LIX1L: variants seen among roughly 807,000 people sequenced by gnomAD.
LIX1L encodes the protein limb and CNS expressed 1 like, also known as LIX1-like protein.
Under a neutral mutation model 34.0 loss-of-function variants are expected in LIX1L, and 20 were observed. The ratio of observed to expected loss-of-function variants is 0.59; its 90% CI spans 0.41 to 0.85. The LOEUF is 0.85. LIX1L is among the 40% of genes least tolerant of loss of function. The probability of loss-of-function intolerance (pLI) is 0.00; values close to 1 mark genes in which losing one functional copy is unlikely to be tolerated. For synonymous variants in LIX1L, 170 were observed against 187.4 expected (o/e 0.91, Z 0.76); for missense variants, 397 against 447.0 (o/e 0.89, Z 1.01).
chr1:145,955,281 C>T (rs1366906850), intron 1 of LIX1L, among the ~76,000 whole-genome samples: 1 of 152,050 alleles, frequency 6.6e-6, no homozygotes, highest in Non-Finnish European at 1.5e-5. Context: ...GTGAGGGAGG[C>T]AGATAAAGGA....
chr1:145,936,702 G>T, intron 5 of LIX1L, 150 bp from the exon 6 acceptor site: 1 of 917,482 alleles, frequency 1.1e-6, no homozygotes, highest in Non-Finnish European at 1.7e-6. Flanking sequence ...GGCACTTCCT[G>T]CTACGGGAAG....
Position 145,934,886 on chromosome 1 carries a change from G to A in LIX1L, c.*1424C>T. On this transcript the variant is annotated 3_prime_UTR_variant, in exon 6 of 6. Coordinates refer to ENST00000604000, the MANE Select transcript of LIX1L (RefSeq NM_153713.3). ...AAAACCAAAAAAAAACCACAAATAG[G>A]CCAGGCTCAGTGCCTCACGCCTGTA... is the stretch of plus-strand genomic sequence containing the variant. 6.6e-6 allele frequency: 1 copy of A among 152,120 alleles called. No individual in the cohort carries two copies. Among genetic ancestry groups the A allele is most frequent in the Non-Finnish European group, 1.5e-5 (1 of 68,378 alleles). The allele number at this position is 152,120 out of a possible 1,614,324, so 9.4% of individuals were successfully genotyped here.
At chr1:145,954,584 A>G (rs753306403) in intron 1 of LIX1L, among the ~76,000 whole-genome samples, 1 of 152,224 alleles carries the variant, frequency 6.6e-6, no homozygotes, top group Non-Finnish European at 1.5e-5. Context: ...TTCCAAAACA[A>G]CAGGTTTGAA....
chr1:145,956,828 C>T (rs1336435737), intron 1 of LIX1L, among the ~76,000 whole-genome samples: 1 of 152,314 alleles, frequency 6.6e-6, no homozygotes, highest in East Asian at 1.9e-4. Flanking sequence ...CCTCACATCC[C>T]TCTTTCCAGA....
At chr1:145,944,476 A>C (rs1649032166) in intron 2 of LIX1L, 1 of 152,234 alleles carries the variant, frequency 6.6e-6, no homozygotes, top group Admixed American at 6.5e-5. Context: ...AGGCTTGGTA[A>C]GTAAGTCCTA....
Position 145,934,695 on chromosome 1 carries a change from T to G in LIX1L, c.*1615A>C. On this transcript the variant is annotated 3_prime_UTR_variant, in exon 6 of 6. Transcript: ENST00000604000. The stretch of plus-strand genomic sequence containing the variant: ...CGTCTCTACTAAAAATACAAAAAAT[T>G]AGCTGGGCGTGGTGGTGGGCACCTG... The G allele has an allele frequency of 6.7e-6, 1 of 150,208 alleles. No homozygotes were observed. The highest frequency in any genetic ancestry group is 3.5e-3 in the Middle Eastern group (1 of 288). The allele number at this position is 150,208 out of a possible 1,614,324, so 9.3% of individuals were successfully genotyped here.
In LIX1L at chr1:145,957,835, G is replaced by A. The variant is rs1570977691; in HGVS notation, c.93C>T (p.Ala31=). 1.4e-6 allele frequency: 2 copies of A among 1,406,608 alleles called. No homozygotes were observed. The highest frequency in any genetic ancestry group is 9.2e-7 in the Non-Finnish European group (1 of 1,081,528). The allele number at this position is 1,406,608 out of a possible 1,614,324, so 87.1% of individuals were successfully genotyped here. A position where few individuals can be genotyped will look rare whatever the true frequency, so the allele number is the denominator to read the frequency against. ...CAGGGGGTGTGGCGGTGGCGGCCGCGGCCCCAGTCACTCCGGGCCGCAGCG... is the reference window on the plus strand; with the variant it reads ...CAGGGGGTGTGGCGGTGGCGGCCGCAGCCCCAGTCACTCCGGGCCGCAGCG... The part of the protein sequence containing the change: ...LRALRPGVTG[A]AAATATPPAG... The change falls in exon 1 of 6, where the codon GCC becomes GCT. Residue 31 remains alanine, a synonymous_variant. Coordinates refer to ENST00000604000, the MANE Select transcript of LIX1L (RefSeq NM_153713.3).
At chr1:145,939,638 CTTTTT>C (rs587705670) in intron 3 of LIX1L, among the ~76,000 whole-genome samples, 1 of 132,752 alleles carries the variant, frequency 7.5e-6, no homozygotes, top group Non-Finnish European at 1.6e-5. Context: ...TTTTCTTTTT[CTTTTT>C]TTTTTTTTTT....
intron 3 of LIX1L, among the ~76,000 whole-genome samples, chr1:145,940,799 C>T (rs1473829195): frequency 1.3e-5 from 2 of 151,296 alleles, no homozygotes; most frequent in African/African-American, 4.9e-5. Flanking sequence ...GATCTGCCCA[C>T]CTCGGCCTCC....
In LIX1L at chr1:145,949,818, CT is replaced by C. The variant is rs587663292; in HGVS notation, c.293-2037del. ...ATCTTGCAACATACTGACCACTCTC[CT>C]TTTTTTTTTTTTTTTGAGACAGAAT... On this transcript the variant is annotated intron_variant, in intron 1 of 5. Coordinates refer to ENST00000604000, the MANE Select transcript of LIX1L (RefSeq NM_153713.3). Among the ~76,000 whole-genome samples, 323 of 139,600 alleles carry C rather than the reference CT, an allele frequency of 2.3e-3. 1 individual carries two copies. The highest frequency in any genetic ancestry group is 5.3e-3 in the Admixed American group (73 of 13,864). 91.6% of individuals were successfully genotyped at this position (139,600 alleles called of 152,430 possible).
At chr1:145,940,961 C>T (rs1464576259) in intron 3 of LIX1L, among the ~76,000 whole-genome samples, 1 of 152,128 alleles carries the variant, frequency 6.6e-6, no homozygotes, top group East Asian at 1.9e-4. Context: ...GCTGAGATTA[C>T]AAGCGTGAGC....
intron 2 of LIX1L, 47 bp downstream of exon 2, chr1:145,947,560 GAAAGCCGTTACT>G (rs782128978): frequency 1.2e-5 from 18 of 1,562,872 alleles, no homozygotes; most frequent in South Asian, 2.3e-5. Flanking sequence ...AAGTGGTGGA[GAAAGCCGTTACT>G]AACATCTAAG....
rs1335154520 is a variant in LIX1L, at chr1:145,957,648, C to A, written c.280G>T (p.Gly94Cys). 2 of 1,541,606 alleles carry A rather than the reference C, an allele frequency of 1.3e-6. No homozygotes were observed. Among genetic ancestry groups the A allele is most frequent in the Non-Finnish European group, 1.7e-6 (2 of 1,149,378 alleles). ...VVRSFAKHTQGYGRVNVVEAL... is the reference protein window; with the variant it reads ...VVRSFAKHTQCYGRVNVVEAL... ...CCCGCAGACTCACCTCGGCCATAGCCCTGCGTGTGCTTGGCGAAGCTCCTC... is the reference window on the plus strand; with the variant it reads ...CCCGCAGACTCACCTCGGCCATAGCACTGCGTGTGCTTGGCGAAGCTCCTC... Residue 94 changes from glycine (G) to cysteine (C), a missense_variant, in exon 1 of 6, where the codon GGC becomes TGC. Gly to Cys is a radical substitution (Grantham distance 159). Transcript: ENST00000604000.
chr1:145,953,705 G>A (rs1649375500), intron 1 of LIX1L, among the ~76,000 whole-genome samples: 1 of 152,106 alleles, frequency 6.6e-6, no homozygotes, highest in Admixed American at 6.5e-5. Flanking sequence ...TCTGAGATGG[G>A]GAGATGACCT....
chr1:145,952,999 C>G (rs1649356041), intron 1 of LIX1L, among the ~76,000 whole-genome samples: 1 of 151,998 alleles, frequency 6.6e-6, no homozygotes, highest in Admixed American at 6.5e-5. Flanking sequence ...GCAGCCTTGA[C>G]TTCCTGGGTT....
Position 145,957,918 on chromosome 1 carries a change from T to C in LIX1L, c.10A>G (p.Met4Val). 2 of 1,488,040 alleles carry C rather than the reference T, an allele frequency of 1.3e-6. No homozygotes were observed. Among genetic ancestry groups the C allele is most frequent in the Non-Finnish European group, 1.8e-6 (2 of 1,122,594 alleles). The allele number at this position is 1,488,040 out of a possible 1,614,324, so 92.2% of individuals were successfully genotyped here. A position where few individuals can be genotyped will look rare whatever the true frequency, so the allele number is the denominator to read the frequency against. MET[M>V]RAQRLQPGVG... is the part of the protein sequence containing the mutation. ...CCAGGCTGCAGCCGCTGCGCTCGCATAGTCTCCATCCCGGCCGCCAATGGA... is the reference window on the plus strand; with the variant it reads ...CCAGGCTGCAGCCGCTGCGCTCGCACAGTCTCCATCCCGGCCGCCAATGGA... Residue 4 changes from methionine (M) to valine (V), a missense_variant, in exon 1 of 6, where the codon ATG (methionine) becomes GTG (valine). Around this residue, in one of 3 missense-constraint regions of LIX1L, gnomAD observed 207 missense variants for 205.2 expected, o/e 1.01. Coordinates refer to ENST00000604000, the MANE Select transcript of LIX1L (RefSeq NM_153713.3).
rs905803910 is a variant in LIX1L, at chr1:145,958,013, G to C, written c.-86C>G. The C allele has an allele frequency of 4.2e-6, 4 of 961,334 alleles. No homozygotes were observed. Among genetic ancestry groups the C allele is most frequent in the Non-Finnish European group, 5.6e-6 (4 of 710,140 alleles). The allele number at this position is 961,334 out of a possible 1,614,324, so 59.6% of individuals were successfully genotyped here. ...CCACCCCAGTCAGCTAGCGCCTGGG[G>C]ACTCAGGGCGGTGCCAGGGCCGAAC... On this transcript the variant is annotated 5_prime_UTR_variant, in exon 1 of 6. Coordinates refer to ENST00000604000, the MANE Select transcript of LIX1L (RefSeq NM_153713.3).
At chr1:145,938,385 C>T (rs1486462592) in intron 3 of LIX1L, among the ~76,000 whole-genome samples, 3 of 151,958 alleles carry the variant, frequency 2.0e-5, no homozygotes, top group African/African-American at 7.3e-5. Context: ...TGCATTCAAG[C>T]CTAGCATGTA....
rs1284316248 is a variant in LIX1L, at chr1:145,947,713, C to T, written c.362G>A (p.Gly121Glu). The stretch of plus-strand genomic sequence containing the variant: ...AACCATCTCATAAACCACTAGAGCC[C>T]CATTCTTTAAGTCAGCACCACGGGA... ...KQSRGADLKNGALVVYEMVPS... is the reference protein window; with the variant it reads ...KQSRGADLKNEALVVYEMVPS... The change falls in exon 2 of 6, where the codon GGG becomes GAG. Residue 121 changes from glycine to glutamate, a missense_variant. Physicochemically the swap from Gly to Glu is moderately conservative, Grantham distance 98. This residue lies in a region of LIX1L where 207 missense variants were observed against 205.2 expected (regional missense o/e 1.01). Coordinates refer to ENST00000604000, the MANE Select transcript of LIX1L (RefSeq NM_153713.3). 2 of 1,614,000 alleles carry T rather than the reference C, an allele frequency of 1.2e-6. No homozygotes were observed. Among genetic ancestry groups the T allele is most frequent in the Non-Finnish European group, 1.7e-6 (2 of 1,180,022 alleles).
Sources: allele counts gnomAD v4.1 joint callset (sites outside exome capture counted in the v4.1 genomes callset), GRCh38; gene constraint gnomAD v4.1.1; regional missense constraint gnomAD v4.1.1; transcripts MANE v1.5; gene names NCBI Gene and HGNC (gene_info 2026-07-23, HGNC 2026-07-21).